TRIO: variants seen among roughly 807,000 people sequenced by gnomAD.
The protein encoded by TRIO is triple functional domain protein.
Under a neutral mutation model 351.9 loss-of-function variants are expected in TRIO, and 58 were observed. That is an observed-to-expected ratio of 0.16 (90% CI 0.13 to 0.21). The LOEUF is 0.21. TRIO is among the 10% of genes least tolerant of loss of function. The pLI, the probability that TRIO is intolerant of heterozygous loss-of-function variation, is 1.00. For synonymous variants in TRIO, 1,758 were observed against 1,595.7 expected (o/e 1.10, Z -2.42); for missense variants, 3,201 against 4,027.8 (o/e 0.79, Z 5.56).
At chr5:14,214,218 G>C (rs902582290) in intron 1 of TRIO, among the ~76,000 whole-genome samples, 2 of 152,158 alleles carry the variant, frequency 1.3e-5, no homozygotes, top group Admixed American at 1.3e-4. Flanking sequence ...TGAAATTGGT[G>C]GCATCAGTTG....
intron 34 of TRIO, among the ~76,000 whole-genome samples, chr5:14,454,738 C>T (rs1246186077): frequency 6.6e-6 from 1 of 152,176 alleles, no homozygotes; most frequent in African/African-American, 2.4e-5. Context: ...TTCACAGTTG[C>T]CCAGCTAGGA....
chr5:14,196,283 C>T (rs187545738), intron 1 of TRIO, among the ~76,000 whole-genome samples: 3 of 151,886 alleles, frequency 2.0e-5, no homozygotes, highest in Admixed American at 6.6e-5. Context: ...ATTAGCTGGG[C>T]GTGGTGGCGT....
chr5:14,364,884 A>G (rs1744463854), intron 15 of TRIO, 68 bp downstream of exon 15: 2 of 1,516,448 alleles, frequency 1.3e-6, no homozygotes, highest in Admixed American at 4.3e-5. Flanking sequence ...GACTTCCCGG[A>G]AATTCTGACC....
Position 14,358,264 on chromosome 5 carries a change from G to A in TRIO, c.2133G>A (p.Lys711=). ...ESVEAVQDLI[K]RFGQQQQTTL... is the part of the protein sequence containing the mutation. ...TGGAGGCCGTGCAGGACCTCATCAA[G>A]CGCTTTGGCCAGCAGCAGCAGACCA... Residue 711 remains lysine, a synonymous_variant, in exon 12 of 57, where the codon AAG becomes AAA. Transcript: ENST00000344204. The A allele has an allele frequency of 6.2e-7, 1 of 1,614,216 alleles. No individual in the cohort carries two copies. Among genetic ancestry groups the A allele is most frequent in the South Asian group, 1.1e-5 (1 of 91,080 alleles).
chr5:14,483,185 G>C (rs1385104295), intron 46 of TRIO, among the ~76,000 whole-genome samples: 1 of 152,234 alleles, frequency 6.6e-6, no homozygotes, highest in Non-Finnish European at 1.5e-5. Context: ...CAACAGGCGT[G>C]AGGGCTCCAG....
intron 1 of TRIO, among the ~76,000 whole-genome samples, chr5:14,251,133 G>T (rs1405551399): frequency 6.6e-6 from 1 of 152,150 alleles, no homozygotes; most frequent in Non-Finnish European, 1.5e-5. Flanking sequence ...TCTTGGTCCT[G>T]GCTTTCTTGG....
chr5:14,280,781 T>G (rs1304732412), intron 3 of TRIO, among the ~76,000 whole-genome samples: 1 of 152,222 alleles, frequency 6.6e-6, no homozygotes, highest in African/African-American at 2.4e-5. Context: ...GTGCTGCTTT[T>G]GACAATGCAT....
intron 27 of TRIO, among the ~76,000 whole-genome samples, chr5:14,392,971 T>C (rs1747232361): frequency 6.7e-6 from 1 of 150,174 alleles, no homozygotes; most frequent in African/African-American, 2.5e-5. Context: ...GGCATAAACC[T>C]GGGAGGCGGA....
chr5:14,421,052 G>C (rs369123327), intron 34 of TRIO, among the ~76,000 whole-genome samples: 1 of 151,900 alleles, frequency 6.6e-6, no homozygotes, highest in Non-Finnish European at 1.5e-5. Context: ...GATACTCTCC[G>C]ATATTCTTGT....
intron 8 of TRIO, among the ~76,000 whole-genome samples, chr5:14,310,477 C>T (rs1213476350): frequency 2.0e-5 from 3 of 152,244 alleles, no homozygotes; most frequent in Non-Finnish European, 4.4e-5. Flanking sequence ...TGTGCCTCAA[C>T]AGGGCCTCAT....
At chr5:14,382,789 T>C (rs1334627223) in intron 21 of TRIO, among the ~76,000 whole-genome samples, 1 of 152,060 alleles carries the variant, frequency 6.6e-6, no homozygotes, top group Non-Finnish European at 1.5e-5. Context: ...CTTGCTCTGT[T>C]ACCCAGGCTG....
Position 14,143,862 on chromosome 5 carries a change from T to G in TRIO, c.137T>G (p.Ile46Ser). 1 of 1,072,010 alleles carries G rather than the reference T, an allele frequency of 9.3e-7. No individual in the cohort carries two copies. Among genetic ancestry groups the G allele is most frequent in the Non-Finnish European group, 1.1e-6 (1 of 887,154 alleles). The allele number at this position is 1,072,010 out of a possible 1,614,324, so 66.4% of individuals were successfully genotyped here. The part of the protein sequence containing the change: ...AEEAAKDLAD[I>S]AAFFRSGFRK... ...GAGGCGGCCAAGGACCTGGCCGACA[T>G]CGCGGCCTTCTTCCGATCCGGTGAG... Residue 46 changes from isoleucine to serine, a missense_variant, in exon 1 of 57, where the codon ATC (isoleucine) becomes AGC (serine). This residue lies in a region of TRIO where 109 missense variants were observed against 134.6 expected (regional missense o/e 0.81). Transcript: ENST00000344204.
chr5:14,487,499 A>C lies in TRIO; in HGVS notation c.6871A>C (p.Ser2291Arg). ...TSPIEYQRNH[S>R]GGGGGGGSGG... Reference sequence around the variant, plus strand: ...GCCAATCGAGTACCAGAGGAACCACAGCGGGGGCGGCGGCGGCGGCGGCAG... The same window carrying C: ...GCCAATCGAGTACCAGAGGAACCACCGCGGGGGCGGCGGCGGCGGCGGCAG... The change falls in exon 48 of 57, where the codon AGC becomes CGC. Residue 2291 changes from serine to arginine, a missense_variant. Physicochemically the swap from Ser to Arg is moderately radical, Grantham distance 110. Around this residue, in one of 19 missense-constraint regions of TRIO, gnomAD observed 1,089 missense variants for 954.9 expected, o/e 1.14. Transcript: ENST00000344204. 9.3e-7 allele frequency: 1 copy of C among 1,080,030 alleles called. No homozygotes were observed. Among genetic ancestry groups the C allele is most frequent in the Non-Finnish European group, 1.1e-6 (1 of 874,886 alleles). 66.9% of individuals were successfully genotyped at this position (1,080,030 alleles called of 1,614,324 possible).
chr5:14,460,946 G>A (rs957559184), intron 34 of TRIO, 73 bp from the exon 35 acceptor site: 7 of 1,439,304 alleles, frequency 4.9e-6, no homozygotes, highest in African/African-American at 2.9e-5. Flanking sequence ...TGCAGCCTGC[G>A]GGATAATGGC....
chr5:14,218,487 G>C (rs2152204607), intron 1 of TRIO, among the ~76,000 whole-genome samples: 1 of 152,344 alleles, frequency 6.6e-6, no homozygotes, highest in African/African-American at 2.4e-5. Context: ...CAACTCTGCT[G>C]TGAAATTGAT....
intron 21 of TRIO, among the ~76,000 whole-genome samples, chr5:14,383,737 G>C (rs542971337): frequency 6.6e-5 from 10 of 152,226 alleles, no homozygotes; most frequent in African/African-American, 2.4e-4. Flanking sequence ...TTTGGTTTCT[G>C]ACTGCCTTTC....
chr5:14,459,442 G>A (rs78208463), intron 34 of TRIO, among the ~76,000 whole-genome samples: 14 of 152,350 alleles, frequency 9.2e-5, no homozygotes, highest in Admixed American at 8.5e-4. Flanking sequence ...CCATGCCACC[G>A]TGGTGGAGCC....
At chr5:14,241,964 A>G (rs1794153570) in intron 1 of TRIO, among the ~76,000 whole-genome samples, 1 of 152,234 alleles carries the variant, frequency 6.6e-6, no homozygotes. Context: ...CACTGTAAAT[A>G]TTAATTACAC....
chr5:14,467,613 C>A (rs775770223), intron 37 of TRIO, among the ~76,000 whole-genome samples: 31 of 152,044 alleles, frequency 2.0e-4, no homozygotes, highest in Admixed American at 8.5e-4. Flanking sequence ...CCCAGGAGTT[C>A]GAGACCAGCC....
Sources: allele counts gnomAD v4.1 joint callset (sites outside exome capture counted in the v4.1 genomes callset), GRCh38; gene constraint gnomAD v4.1.1; regional missense constraint gnomAD v4.1.1; transcripts MANE v1.5; gene names NCBI Gene and HGNC (gene_info 2026-07-23, HGNC 2026-07-21).